CSMD3: variants seen among roughly 807,000 people sequenced by gnomAD.
The protein encoded by CSMD3 is CUB and Sushi multiple domains 3.
A neutral mutation model predicts 435.2 loss-of-function variants in CSMD3; 177 were observed. That is an observed-to-expected ratio of 0.41 (90% CI 0.36 to 0.46). The LOEUF is 0.46. Among genes scored for constraint, CSMD3 ranks in the 20% least tolerant of loss-of-function variants. The pLI is 0.34. For synonymous variants in CSMD3, 1,656 were observed against 1,520.5 expected (o/e 1.09, Z -2.07); for missense variants, 4,265 against 4,504.6 (o/e 0.95, Z 1.52).
At chr8:113,313,782 T>TGGCACTG (rs2132664808) in intron 2 of CSMD3, 1 of 152,282 alleles carries the variant, frequency 6.6e-6, no homozygotes, top group Admixed American at 6.5e-5. Context: ...TTATGGCACT[T>TGGCACTG]AAAGAAAAGT....
At chr8:113,121,142 T>C (rs560431627) in intron 4 of CSMD3, among the ~76,000 whole-genome samples, 10 of 152,078 alleles carry the variant, frequency 6.6e-5, no homozygotes, top group Non-Finnish European at 1.2e-4. Flanking sequence ...AATATTTTAT[T>C]AGAGCCCTGG....
At chr8:112,248,806 CT>C (rs1189708482) in intron 63 of CSMD3, among the ~76,000 whole-genome samples, 1 of 152,026 alleles carries the variant, frequency 6.6e-6, no homozygotes, top group Non-Finnish European at 1.5e-5. Context: ...TGACAACAAC[CT>C]TTTTTCTTTA....
At chr8:112,669,268 T>C (rs1040998741) in intron 16 of CSMD3, among the ~76,000 whole-genome samples, 3 of 152,040 alleles carry the variant, frequency 2.0e-5, no homozygotes, top group Non-Finnish European at 4.4e-5. Context: ...TGATCTCAGG[T>C]GATCCACCTG....
intron 5 of CSMD3, among the ~76,000 whole-genome samples, chr8:113,086,005 A>G (rs982830503): frequency 6.6e-5 from 10 of 152,118 alleles, no homozygotes; most frequent in African/African-American, 2.2e-4. Context: ...CGGGAGGCCG[A>G]GGCAGGTGGA....
intron 31 of CSMD3, among the ~76,000 whole-genome samples, chr8:112,474,513 A>G (rs1818848333): frequency 6.6e-6 from 1 of 152,162 alleles, no homozygotes; most frequent in African/African-American, 2.4e-5. Flanking sequence ...TAGAAATAAG[A>G]TCAAAAACAA....
In CSMD3 at chr8:112,982,710, GC is replaced by G. The variant is rs199701196; in HGVS notation, c.1031-6563del. On this transcript the variant is annotated intron_variant, in intron 6 of 70. Coordinates refer to ENST00000297405, the MANE Select transcript of CSMD3 (RefSeq NM_198123.2). ...AAAGCAGAGAACATGTCTTACAGAG[GC>G]CTTATCCCCTATTTCTGACTGAATA... Among the ~76,000 whole-genome samples, 1,007 of 151,932 alleles carry G rather than the reference GC, an allele frequency of 6.6e-3. 11 individuals carry two copies. Among genetic ancestry groups the G allele is most frequent in the African/African-American group, 0.023 (966 of 41,486 alleles).
intron 10 of CSMD3, among the ~76,000 whole-genome samples, chr8:112,916,488 A>G (rs1255759092): frequency 2.0e-5 from 3 of 150,600 alleles, no homozygotes; most frequent in African/African-American, 7.3e-5. Flanking sequence ...AGAAATATGA[A>G]TGTGTGATAA....
At chr8:112,522,759 G>A (rs1273730941) in intron 27 of CSMD3, among the ~76,000 whole-genome samples, 1 of 151,844 alleles carries the variant, frequency 6.6e-6, no homozygotes, top group Non-Finnish European at 1.5e-5. Flanking sequence ...AAAATAACCA[G>A]ATGGCTCTAA....
rs1166196478 is a variant in CSMD3, at chr8:112,690,107, T to C, written c.1973-57A>G. 4.0e-6 allele frequency: 5 copies of C among 1,239,428 alleles called. No individual in the cohort carries two copies. The East Asian group carries it at 7.0e-5, about 17-fold the overall frequency. The allele number at this position is 1,239,428 out of a possible 1,614,324, so 76.8% of individuals were successfully genotyped here. The stretch of plus-strand genomic sequence containing the variant: ...AAGGGTTGCAGGCATATGATACCCA[T>C]AATACAAGTTAGGTAGATATATGCT... On this transcript the variant is annotated intron_variant, in intron 13 of 70. Coordinates refer to ENST00000297405, the MANE Select transcript of CSMD3 (RefSeq NM_198123.2).
At chr8:112,906,844 G>A (rs1051757749) in intron 10 of CSMD3, among the ~76,000 whole-genome samples, 1 of 151,410 alleles carries the variant, frequency 6.6e-6, no homozygotes, top group African/African-American at 2.4e-5. Flanking sequence ...CAACCATAGG[G>A]TTTGCACATT....
At chr8:112,748,516 C>T (rs965406299) in intron 13 of CSMD3, among the ~76,000 whole-genome samples, 1 of 151,892 alleles carries the variant, frequency 6.6e-6, no homozygotes. Flanking sequence ...TCAAGTAGAT[C>T]CCAGAATCTG....
chr8:112,475,805 G>A (rs1049162325), intron 31 of CSMD3, among the ~76,000 whole-genome samples: 1 of 152,000 alleles, frequency 6.6e-6, no homozygotes, highest in Non-Finnish European at 1.5e-5. Flanking sequence ...GGAGAAAAGG[G>A]CAGCTTTTAT....
At chr8:113,172,854 T>C (rs1404222539) in intron 4 of CSMD3, among the ~76,000 whole-genome samples, 1 of 152,200 alleles carries the variant, frequency 6.6e-6, no homozygotes, top group Admixed American at 6.5e-5. Context: ...AAACACAATG[T>C]TGGCCTCCAG....
At chr8:112,860,001 A>G (rs977764163) in intron 10 of CSMD3, among the ~76,000 whole-genome samples, 2 of 151,772 alleles carry the variant, frequency 1.3e-5, no homozygotes, top group African/African-American at 2.4e-5. Context: ...AAAATAATCT[A>G]TTGTATATTT....
chr8:113,142,910 T>G (rs1383526969), intron 4 of CSMD3, among the ~76,000 whole-genome samples: 1 of 147,614 alleles, frequency 6.8e-6, no homozygotes, highest in Non-Finnish European at 1.5e-5. Context: ...CATGCAAAAA[T>G]TAAAAGTAAA....
chr8:112,654,756 T>A (rs2075215002), intron 18 of CSMD3, among the ~76,000 whole-genome samples: 1 of 152,226 alleles, frequency 6.6e-6, no homozygotes, highest in Non-Finnish European at 1.5e-5. Flanking sequence ...AAAATAGTCC[T>A]GTTTTTGGTA....
chr8:113,338,862 C>G (rs1159071464), intron 1 of CSMD3, among the ~76,000 whole-genome samples: 1 of 151,876 alleles, frequency 6.6e-6, no homozygotes, highest in East Asian at 1.9e-4. Context: ...TTGCATTTCT[C>G]TAAAATAAAT....
intron 4 of CSMD3, among the ~76,000 whole-genome samples, chr8:113,124,436 A>G (rs549669445): frequency 6.6e-5 from 10 of 151,962 alleles, no homozygotes; most frequent in African/African-American, 2.2e-4. Flanking sequence ...TATATAGGAA[A>G]AGTTTGATGG....
At chr8:112,583,896 A>G (rs1460253808) in intron 23 of CSMD3, among the ~76,000 whole-genome samples, 4 of 151,824 alleles carry the variant, frequency 2.6e-5, no homozygotes. Flanking sequence ...ATCACACGGG[A>G]ATTTTTATTT....
Sources: gnomAD v4.1 joint callset for allele counts (sites outside exome capture counted in the v4.1 genomes callset) on GRCh38, gnomAD v4.1.1 for gene constraint, MANE v1.5 for transcripts, NCBI Gene and HGNC (gene_info 2026-07-23, HGNC 2026-07-21) for gene names.